GTPBP6: variants seen among roughly 807,000 people sequenced by gnomAD.
The protein encoded by GTPBP6 is GTP binding protein 6, also known as putative GTP-binding protein 6.
GTPBP6 carries 33 observed loss-of-function variants against 28.9 expected under a neutral mutation model. The observed-to-expected ratio is 1.14, with a 90% CI of 0.87 to 1.53. The LOEUF is 1.53. Among genes scored for constraint, GTPBP6 ranks in the 40% most tolerant of loss-of-function variants. The pLI, the probability that GTPBP6 is intolerant of heterozygous loss-of-function variation, is 0.00. For synonymous variants in GTPBP6, 231 were observed against 192.7 expected, an observed-to-expected ratio of 1.20 and a Z score of -1.65; for missense variants, 507 against 408.3, an observed-to-expected ratio of 1.24 and a Z score of -2.08.
At chrX:311,219 T>A (rs865975647) in intron 7 of GTPBP6, among the ~76,000 whole-genome samples, 200 bp downstream of exon 7, 3,044 of 77,256 alleles carry the variant, frequency 0.039, 278 homozygotes, top group African/African-American at 0.15. Flanking sequence ...CCCCTGGCTT[T>A]GTGTGTGTCT....
chrX:307,122 T>C (rs1341323450), intron 9 of GTPBP6, among the ~76,000 whole-genome samples: 1 of 151,702 alleles, frequency 6.6e-6, no homozygotes, highest in Non-Finnish European at 1.5e-5. Flanking sequence ...CAGCACAGAT[T>C]AGGCACCTGT....
intron 7 of GTPBP6, among the ~76,000 whole-genome samples, chrX:309,018 C>A (rs987363240): frequency 6.6e-6 from 1 of 152,182 alleles, no homozygotes; most frequent in African/African-American, 2.4e-5. Context: ...AGCCACCACA[C>A]CCGGTCCATA....
rs201272017 is a variant in GTPBP6 at position 314,196 on chromosome X, G to C, written c.711C>G (p.Val237=). 3 of 1,613,564 alleles carry C rather than the reference G, an allele frequency of 1.9e-6. No individual in the cohort carries two copies. The South Asian group carries it at 3.3e-5, about 18-fold the overall frequency. Reference sequence around the variant, plus strand: ...AGCCGACTCCTCGGTACAGGTGGGCGACGTCCCTTTTCAAGTTCGACCTGG... The same window carrying C: ...AGCCGACTCCTCGGTACAGGTGGGCCACGTCCCTTTTCAAGTTCGACCTGG... The change falls in exon 5 of 10, where the codon GTC becomes GTG. Residue 237 remains valine, a synonymous_variant. Transcript: ENST00000326153.
At chrX:312,783 A>G in exon 6 of GTPBP6, 1 of 1,612,310 alleles carries the variant, frequency 6.2e-7, no homozygotes, top group South Asian at 1.1e-5. Context: ...GGTGTACCCC[A>G]CCACGGAGAT....
intron 9 of GTPBP6, among the ~76,000 whole-genome samples, chrX:305,636 T>TTA (rs1196931881): frequency 6.1e-5 from 9 of 148,380 alleles, no homozygotes; most frequent in African/African-American, 2.3e-4. Context: ...TTTTTTATTT[T>TTA]TTTTTTTGAG....
rs938258487 is a variant in GTPBP6, at chrX:306,525, A to AT, written c.1427+834dup. On this transcript the variant is annotated intron_variant, in intron 9 of 9. Transcript: ENST00000326153. ...GTTGTATGCACAGTCAGAAATGTAC[A>AT]TTTTGTCAGCACAGATTAGGCAACT... Among the ~76,000 whole-genome samples the AT allele has an allele frequency of 3.1e-4, 44 of 141,194 alleles. 1 individual carries two copies. Among genetic ancestry groups the AT allele is most frequent in the African/African-American group, 1.1e-3 (36 of 32,120 alleles). 92.6% of individuals were successfully genotyped at this position (141,194 alleles called of 152,430 possible).
At chrX:314,155 C>A in exon 5 of GTPBP6, 2 of 1,611,842 alleles carry the variant, frequency 1.2e-6, no homozygotes, top group African/African-American at 1.3e-5. Flanking sequence ...GTTACCTGAC[C>A]CCATGATGTA....
chrX:310,058 C>A (rs7501182), intron 7 of GTPBP6, among the ~76,000 whole-genome samples: 23 of 132,076 alleles, frequency 1.7e-4, no homozygotes, highest in East Asian at 1.1e-3. Context: ...AAGGACCCTC[C>A]CCTAGAGCCT....
chrX:304,854 AGGCTTGGAGTGGACGCTCG>A, exon 10 of GTPBP6: 1 of 1,407,456 alleles, frequency 7.1e-7, no homozygotes, highest in Non-Finnish European at 9.3e-7. Context: ...GTGGATGCTC[AGGCTTGGAGTGGACGCTCG>A]GGCGGCCCGC....
intron 9 of GTPBP6, 122 bp from the exon 10 acceptor site, chrX:305,319 C>CTTTTTTTTTT (rs368320582): frequency 1.4e-6 from 1 of 733,232 alleles, no homozygotes; most frequent in African/African-American, 2.0e-5. Context: ...GTCCTGTTTC[C>CTTTTTTTTTT]TTTTGTTTTT....
exon 10 of GTPBP6, chrX:304,984 C>T (rs1326091551): frequency 6.4e-7 from 1 of 1,551,058 alleles, no homozygotes; most frequent in Non-Finnish European, 8.7e-7. Flanking sequence ...CCCTGCTGCA[C>T]CTGACACCAA....
At chrX:305,103 C>T (rs774724744) in exon 10 of GTPBP6, 45 of 1,613,222 alleles carry the variant, frequency 2.8e-5, no homozygotes, top group East Asian at 1.6e-4. Flanking sequence ...CGGAATTTGC[C>T]GTAGGCTGAG....
At chrX:313,025 G>A (rs1173862814) in intron 5 of GTPBP6, 101 bp from the exon 6 acceptor site, 12 of 1,023,632 alleles carry the variant, frequency 1.2e-5, no homozygotes, top group African/African-American at 3.3e-5. Flanking sequence ...GCCTGCTCCC[G>A]CTCCAGCATC....
At chrX:307,382 T>G in exon 9 of GTPBP6, 1 of 1,612,446 alleles carries the variant, frequency 6.2e-7, no homozygotes, top group South Asian at 1.1e-5. Context: ...CCTGCGAGCC[T>G]CACACGGAGA....
chrX:312,623 G>A (rs2070332103), intron 6 of GTPBP6, 143 bp downstream of exon 6: 2 of 863,258 alleles, frequency 2.3e-6, no homozygotes, highest in Non-Finnish European at 3.8e-6. Flanking sequence ...GGCGACCATG[G>A]GAACCCCCTC....
At chrX:315,990 T>C (rs1238292444) in intron 2 of GTPBP6, among the ~76,000 whole-genome samples, 3 of 31,862 alleles carry the variant, frequency 9.4e-5, no homozygotes, top group Non-Finnish European at 1.2e-4. Context: ...CACAAACACA[T>C]ACACACGCAG....
chrX:306,403 T>C (rs1007570985), intron 9 of GTPBP6, among the ~76,000 whole-genome samples: 1 of 148,822 alleles, frequency 6.7e-6, no homozygotes, highest in African/African-American at 2.5e-5. Context: ...ACCTGTTGTA[T>C]GGTCAGAAAT....
At chrX:314,123 T>C (rs1177276747) in intron 5 of GTPBP6, 27 bp downstream of exon 5, 52 of 1,587,076 alleles carry the variant, frequency 3.3e-5, no homozygotes, top group Non-Finnish European at 4.3e-5. Context: ...GAGGACCCTC[T>C]GGGACGCCGC....
intron 4 of GTPBP6, 136 bp downstream of exon 4, chrX:314,754 G>C (rs1338419878): frequency 3.3e-4 from 130 of 393,472 alleles, no homozygotes; most frequent in African/African-American, 2.5e-3. Flanking sequence ...GGGATGACAG[G>C]CGTGAGCCAC....
Sources: gnomAD v4.1 joint callset for allele counts (sites outside exome capture counted in the v4.1 genomes callset) on GRCh38, gnomAD v4.1.1 for gene constraint, MANE v1.5 for transcripts, NCBI Gene and HGNC (gene_info 2026-07-23, HGNC 2026-07-21) for gene names.